MGA: variants seen among roughly 807,000 people sequenced by gnomAD.
MGA encodes the protein MAX gene-associated protein.
In MGA, 40 loss-of-function variants were observed where a neutral mutation model predicts 261.1. That is an observed-to-expected ratio of 0.15 (90% confidence interval 0.12 to 0.20). The LOEUF (loss-of-function observed/expected upper bound fraction) is 0.20. Ranked by LOEUF, MGA falls within the 10% of genes least tolerant of loss-of-function variation. The probability of loss-of-function intolerance (pLI) is 1.00; values close to 1 mark genes in which losing one functional copy is unlikely to be tolerated. For synonymous variants in MGA, 1,302 were observed against 1,290.6 expected, an observed-to-expected ratio of 1.01 and a Z score of -0.19; for missense variants, 3,397 against 3,630.5, an observed-to-expected ratio of 0.94 and a Z score of 1.65.
Position 41,762,204 on chromosome 15 carries a change from G to A in MGA, c.7586G>A (p.Arg2529Lys), listed in dbSNP as rs752413385. Residue 2529 changes from arginine to lysine, a missense_variant, in exon 22 of 24, where the codon AGA becomes AAA. By Grantham distance (26) the Arg-to-Lys change is conservative. Transcript: ENST00000219905. The stretch of plus-strand genomic sequence containing the variant: ...CAGCAAGCACTAGAGGCACAAAAAA[G>A]AAAAAAGAAGATGGGATCAGATGAG... 1.7e-5 allele frequency: 28 copies of A among 1,613,806 alleles called. No individual in the cohort carries two copies. The highest frequency in any genetic ancestry group is 2.4e-5 in the Non-Finnish European group (28 of 1,179,816).
Position 41,716,159 on chromosome 15 carries a change from G to A in MGA, c.3430+2663G>A, listed in dbSNP as rs1266843656. ...GTGCTGTTAGGGAAGGATGAAAAAG[G>A]AGGGATGGCTGGGCACGGTGGCGCA... On this transcript the variant is annotated intron_variant, in intron 9 of 23. Transcript: ENST00000219905. Among the ~76,000 whole-genome samples the A allele has an allele frequency of 3.3e-5, 5 of 151,962 alleles. 1 individual carries two copies. Among genetic ancestry groups the A allele is most frequent in the Non-Finnish European group, 5.9e-5 (4 of 67,996 alleles).
intron 10 of MGA, among the ~76,000 whole-genome samples, chr15:41,727,752 T>C (rs1044513858): frequency 3.3e-5 from 5 of 152,050 alleles, no homozygotes; most frequent in Non-Finnish European, 5.9e-5. Flanking sequence ...AGAAAAACAT[T>C]AGGAAAAAGC....
rs769721519 is a variant in MGA, at chr15:41,766,375, G to A, written c.8293G>A (p.Gly2765Arg). Reference sequence around the variant, plus strand: ...TAAATGGAAAGAGAGTGAATCAAGAGGGGAGAGAGTGAAGTCAAAGGATTC... The same window carrying A: ...TAAATGGAAAGAGAGTGAATCAAGAAGGGAGAGAGTGAAGTCAAAGGATTC... The change falls in exon 24 of 24, where the codon GGG (glycine) becomes AGG (arginine). Residue 2765 changes from glycine (G) to arginine (R), a missense_variant. Gly to Arg is a moderately radical substitution (Grantham distance 125). This residue lies in a region of MGA where 647 missense variants were observed against 642.4 expected (regional missense o/e 1.01). Coordinates refer to ENST00000219905, the MANE Select transcript of MGA (RefSeq NM_001164273.2). The A allele has an allele frequency of 3.7e-6, 6 of 1,613,914 alleles. No individual in the cohort carries two copies. The South Asian group carries it at 4.4e-5, about 12-fold the overall frequency.
intron 1 of MGA, among the ~76,000 whole-genome samples, chr15:41,630,047 C>T (rs886933080): frequency 6.6e-6 from 1 of 152,212 alleles, no homozygotes; most frequent in African/African-American, 2.4e-5. Context: ...AACCCCCAGA[C>T]TTCTTCGCTT....
chr15:41,666,298 A>G (rs2057734162), intron 1 of MGA, among the ~76,000 whole-genome samples: 1 of 152,248 alleles, frequency 6.6e-6, no homozygotes. Flanking sequence ...TTCCTTGGAT[A>G]TGACCAATAC....
At chr15:41,761,080 G>T (rs896994088) in intron 20 of MGA, among the ~76,000 whole-genome samples, 2 of 152,186 alleles carry the variant, frequency 1.3e-5, no homozygotes, top group Non-Finnish European at 1.5e-5. Context: ...CAAAAGTCAG[G>T]TTCTTTATTG....
upstream of MGA, among the ~76,000 whole-genome samples, chr15:41,656,338 CCTCTCTTCT>C (rs2057175181): frequency 7.3e-5 from 4 of 54,552 alleles, no homozygotes; most frequent in Non-Finnish European, 1.5e-4. Flanking sequence ...CTCTCCCTCT[CCTCTCTTCT>C]CTCTCTCTCT....
intron 9 of MGA, among the ~76,000 whole-genome samples, chr15:41,725,386 A>T (rs1242031757): frequency 6.6e-6 from 1 of 152,114 alleles, no homozygotes; most frequent in African/African-American, 2.4e-5. Flanking sequence ...CCTAAAATTT[A>T]TTTTTAAAGA....
intron 1 of MGA, among the ~76,000 whole-genome samples, chr15:41,622,283 AGAG>A (rs981211868): frequency 1.3e-5 from 2 of 152,160 alleles, no homozygotes; most frequent in African/African-American, 4.8e-5. Flanking sequence ...TCAGCTCGGT[AGAG>A]GAGATCACCT....
intron 9 of MGA, among the ~76,000 whole-genome samples, chr15:41,724,150 T>A (rs2061100320): frequency 6.6e-6 from 1 of 152,334 alleles, no homozygotes; most frequent in East Asian, 1.9e-4. Context: ...TTTTGTCTTA[T>A]AATTAATGCG....
At chr15:41,672,181 G>A (rs1017787545) in intron 2 of MGA, among the ~76,000 whole-genome samples, 4 of 152,170 alleles carry the variant, frequency 2.6e-5, no homozygotes, top group African/African-American at 9.7e-5. Flanking sequence ...TCGAGATAGT[G>A]TATGGCTCTG....
At chr15:41,673,447 G>T (rs2058186184) in intron 2 of MGA, among the ~76,000 whole-genome samples, 1 of 149,600 alleles carries the variant, frequency 6.7e-6, no homozygotes, top group African/African-American at 2.5e-5. Flanking sequence ...TGAACTCCTG[G>T]CCTCAAGTGA....
At chr15:41,674,882 C>T (rs1173586133) in intron 2 of MGA, among the ~76,000 whole-genome samples, 1 of 152,210 alleles carries the variant, frequency 6.6e-6, no homozygotes, top group Non-Finnish European at 1.5e-5. Flanking sequence ...TAGTTCCAGA[C>T]CTCTAGATCA....
In MGA at chr15:41,669,275, A is replaced by C; in HGVS notation, c.381A>C (p.Ile127=). The stretch of plus-strand genomic sequence containing the variant: ...TGAAGTATATTCTTGTCATGGATAT[A>C]TCTCCTGTGGATAACCATCGTTATA... The change falls in exon 2 of 24, where the codon ATA becomes ATC. Residue 127 remains isoleucine (I), a synonymous_variant. Transcript: ENST00000219905. 1 of 1,614,056 alleles carries C rather than the reference A, an allele frequency of 6.2e-7. No homozygotes were observed. Among genetic ancestry groups the C allele is most frequent in the South Asian group, 1.1e-5 (1 of 91,082 alleles).
chr15:41,647,453 G>T (rs1000420772), intron 1 of MGA, among the ~76,000 whole-genome samples: 6 of 152,020 alleles, frequency 3.9e-5, no homozygotes, highest in Admixed American at 1.3e-4. Context: ...AAACTGTGTA[G>T]TTCCTGGAAT....
chr15:41,701,649 G>A (rs914596727), intron 5 of MGA, among the ~76,000 whole-genome samples: 4 of 152,142 alleles, frequency 2.6e-5, no homozygotes, highest in African/African-American at 7.2e-5. Context: ...GGAAAAATGG[G>A]CCCAAAATTC....
At chr15:41,733,414 T>G (rs1248827117) in intron 11 of MGA, among the ~76,000 whole-genome samples, 2 of 152,178 alleles carry the variant, frequency 1.3e-5, no homozygotes, top group African/African-American at 4.8e-5. Flanking sequence ...GAGGCACACA[T>G]TCACAGATAA....
intron 10 of MGA, among the ~76,000 whole-genome samples, chr15:41,727,797 A>C (rs1032247761): frequency 1.3e-5 from 2 of 152,208 alleles, no homozygotes; most frequent in East Asian, 3.8e-4. Context: ...TTAAAAATGC[A>C]TAATAATATC....
chr15:41,652,414 A>G (rs1218788288), intron 1 of MGA, among the ~76,000 whole-genome samples: 3 of 148,458 alleles, frequency 2.0e-5, no homozygotes, highest in African/African-American at 7.5e-5. Flanking sequence ...TGCCTAGGCT[A>G]GAGTGTAGTG....
Sources: gnomAD v4.1 joint callset for allele counts (sites outside exome capture counted in the v4.1 genomes callset) on GRCh38, gnomAD v4.1.1 for gene constraint, gnomAD v4.1.1 regional missense constraint, MANE v1.5 for transcripts, NCBI Gene and HGNC (gene_info 2026-07-23, HGNC 2026-07-21) for gene names.